Variants in ADAMTS19 observed in about 807,000 individuals in gnomAD.
ADAMTS19 encodes the protein ADAM metallopeptidase with thrombospondin type 1 motif 19.
A neutral mutation model predicts 153.3 loss-of-function variants in ADAMTS19; 93 were observed. That is an observed-to-expected ratio of 0.61 (90% CI 0.51 to 0.72). The LOEUF (loss-of-function observed/expected upper bound fraction) is 0.72. Among genes scored for constraint, ADAMTS19 ranks in the 30% least tolerant of loss-of-function variants. The pLI is 0.00. For synonymous variants in ADAMTS19, 600 were observed against 556.6 expected (o/e 1.08, Z -1.10); for missense variants, 1,482 against 1,552.1 (o/e 0.95, Z 0.76).
Position 129,738,425 on chromosome 5 carries a change from G to C in ADAMTS19, c.*1207G>C, listed in dbSNP as rs892027152. 6.6e-6 allele frequency: 1 copy of C among 151,968 alleles called. No individual in the cohort carries two copies. Among genetic ancestry groups the C allele is most frequent in the African/African-American group, 2.4e-5 (1 of 41,384 alleles). 9.4% of individuals were successfully genotyped at this position (151,968 alleles called of 1,614,324 possible). ...CTTTTGTTCTGGAGTATCTTCTAGA[G>C]GATGTTTATAGAGTGAACTGCCTTG... is the stretch of plus-strand genomic sequence containing the variant. On this transcript the variant is annotated 3_prime_UTR_variant, in exon 23 of 23. Transcript: ENST00000274487.
chr5:129,630,223 A>C (rs1287018827), intron 10 of ADAMTS19, among the ~76,000 whole-genome samples: 1 of 152,106 alleles, frequency 6.6e-6, no homozygotes, highest in Non-Finnish European at 1.5e-5. Context: ...TTATGTTTGC[A>C]CCAACCTAAT....
intron 7 of ADAMTS19, among the ~76,000 whole-genome samples, chr5:129,581,056 T>C (rs1749491084): frequency 6.6e-6 from 1 of 152,224 alleles, no homozygotes; most frequent in Non-Finnish European, 1.5e-5. Flanking sequence ...TGTGAATCCA[T>C]CTGGTCCTGG....
chr5:129,531,240 C>T (rs1271904316), intron 6 of ADAMTS19, among the ~76,000 whole-genome samples: 1 of 152,122 alleles, frequency 6.6e-6, no homozygotes, highest in Non-Finnish European at 1.5e-5. Context: ...ACAACCTTTT[C>T]AGGCATGTTT....
intron 7 of ADAMTS19, among the ~76,000 whole-genome samples, chr5:129,583,162 C>T (rs572480320): frequency 1.2e-3 from 189 of 152,218 alleles, no homozygotes; most frequent in Non-Finnish European, 2.0e-3. Flanking sequence ...TTCTCCTTCA[C>T]TTATGAAGCT....
At chr5:129,479,769 C>T (rs1458660874) in intron 2 of ADAMTS19, among the ~76,000 whole-genome samples, 3 of 151,996 alleles carry the variant, frequency 2.0e-5, no homozygotes, top group African/African-American at 7.2e-5. Context: ...ATACCAAAAA[C>T]TGTAAAATAT....
At chr5:129,465,938 T>C (rs1032325368) in intron 2 of ADAMTS19, among the ~76,000 whole-genome samples, 4 of 152,304 alleles carry the variant, frequency 2.6e-5, no homozygotes, top group East Asian at 1.9e-4. Flanking sequence ...GGGAAACATA[T>C]AGACTTTAGA....
intron 6 of ADAMTS19, among the ~76,000 whole-genome samples, chr5:129,529,590 C>T (rs1469338365): frequency 6.6e-6 from 1 of 152,108 alleles, no homozygotes; most frequent in African/African-American, 2.4e-5. Context: ...ACTGCAATTC[C>T]TGAAAGAAGG....
intron 17 of ADAMTS19, among the ~76,000 whole-genome samples, chr5:129,683,418 T>A (rs1448195211): frequency 1.3e-5 from 2 of 152,078 alleles, no homozygotes; most frequent in Non-Finnish European, 2.9e-5. Context: ...TTTATATATA[T>A]ATATGTGCAT....
intron 17 of ADAMTS19, among the ~76,000 whole-genome samples, chr5:129,683,670 A>G (rs1245321911): frequency 1.3e-5 from 2 of 151,812 alleles, no homozygotes; most frequent in Non-Finnish European, 2.9e-5. Context: ...CTTCCTGTCC[A>G]TCTTTTCTTT....
chr5:129,605,726 G>A (rs1455120295), intron 8 of ADAMTS19, among the ~76,000 whole-genome samples: 1 of 152,100 alleles, frequency 6.6e-6, no homozygotes, highest in African/African-American at 2.4e-5. Context: ...GTAATAGATA[G>A]TCAAGAAAAT....
intron 6 of ADAMTS19, among the ~76,000 whole-genome samples, chr5:129,548,427 G>C (rs1752942728): frequency 6.6e-6 from 1 of 151,820 alleles, no homozygotes; most frequent in South Asian, 2.1e-4. Context: ...CATGAAAAAT[G>C]CTCATCATCA....
At chr5:129,725,343 T>G (rs1757163035) in intron 21 of ADAMTS19, among the ~76,000 whole-genome samples, 1 of 151,974 alleles carries the variant, frequency 6.6e-6, no homozygotes, top group Non-Finnish European at 1.5e-5. Flanking sequence ...TCTTTTGGGG[T>G]GAGCTGTCCA....
At chr5:129,552,863 CT>C (rs1272755943) in intron 7 of ADAMTS19, among the ~76,000 whole-genome samples, 1 of 151,836 alleles carries the variant, frequency 6.6e-6, no homozygotes, top group African/African-American at 2.4e-5. Context: ...ATTCATAAAA[CT>C]TATGATGGAA....
chr5:129,585,174 TC>T (rs1749718381), intron 7 of ADAMTS19, among the ~76,000 whole-genome samples: 1 of 151,502 alleles, frequency 6.6e-6, no homozygotes, highest in African/African-American at 2.4e-5. Context: ...CCCTTGCACT[TC>T]CCAGGTGAGG....
At chr5:129,658,369 G>GAAAGAAAGAA (rs1478464484) in intron 14 of ADAMTS19, among the ~76,000 whole-genome samples, 1 of 150,180 alleles carries the variant, frequency 6.7e-6, no homozygotes, top group African/African-American at 2.5e-5. Context: ...AAGAAAGAAA[G>GAAAGAAAGAA]AGAGAGAGGA....
At chr5:129,681,867 A>G (rs1405134411) in intron 17 of ADAMTS19, among the ~76,000 whole-genome samples, 1 of 152,186 alleles carries the variant, frequency 6.6e-6, no homozygotes, top group Non-Finnish European at 1.5e-5. Flanking sequence ...GAAGAAACAA[A>G]TGTTATATGA....
chr5:129,550,019 T>C (rs1399602075), intron 6 of ADAMTS19, among the ~76,000 whole-genome samples: 3 of 134,064 alleles, frequency 2.2e-5, no homozygotes, highest in African/African-American at 8.1e-5. Flanking sequence ...TATACATGTA[T>C]ATGTATATCT....
At chr5:129,571,549 A>G (rs954010601) in intron 7 of ADAMTS19, among the ~76,000 whole-genome samples, 1 of 151,628 alleles carries the variant, frequency 6.6e-6, no homozygotes, top group Non-Finnish European at 1.5e-5. Context: ...ATGGAGAGAA[A>G]TACCATGTTT....
At chr5:129,653,497 G>A (rs1753406310) in intron 13 of ADAMTS19, among the ~76,000 whole-genome samples, 1 of 152,146 alleles carries the variant, frequency 6.6e-6, no homozygotes, top group African/African-American at 2.4e-5. Context: ...GCACAAAGAA[G>A]ACTCGCAGCT....
Sources: allele counts gnomAD v4.1 joint callset (sites outside exome capture counted in the v4.1 genomes callset), GRCh38; gene constraint gnomAD v4.1.1; transcripts MANE v1.5; gene names NCBI Gene and HGNC (gene_info 2026-07-23, HGNC 2026-07-21).